Variants in ADRA1A observed in about 807,000 individuals in gnomAD.
ADRA1A encodes alpha-1A adrenergic receptor.
ADRA1A carries 31 observed loss-of-function variants against 29.6 expected under a neutral mutation model. The observed-to-expected ratio is 1.05, with a 90% confidence interval of 0.79 to 1.41. ADRA1A has a LOEUF of 1.41. Among genes scored for constraint, ADRA1A ranks in the 40% most tolerant of loss-of-function variants. The probability of loss-of-function intolerance (pLI) is 0.00; values close to 1 mark genes in which losing one functional copy is unlikely to be tolerated. For synonymous variants in ADRA1A, 311 were observed against 254.3 expected, an observed-to-expected ratio of 1.22 and a Z score of -2.12; for missense variants, 619 against 601.1, an observed-to-expected ratio of 1.03 and a Z score of -0.31.
intron 2 of ADRA1A, among the ~76,000 whole-genome samples, chr8:26,855,386 C>A (rs1372249574): frequency 6.7e-6 from 1 of 149,166 alleles, no homozygotes. Context: ...AATTATTTAT[C>A]TTCAATGTAT....
chr8:26,851,544 G>T lies in ADRA1A; in HGVS notation c.883+12543C>A, dbSNP rs549976205. 4.1e-4 allele frequency among the ~76,000 whole-genome samples: 62 copies of T among 152,238 alleles called. No homozygotes were observed. In the South Asian group the frequency reaches 0.013, roughly 32 times the overall value. ...GACAAATACCCATATTAGAAACATG[G>T]ATTATGAGAAATCCATTTGATGTGA... On this transcript the variant is annotated intron_variant, in intron 2 of 2. Coordinates refer to ENST00000380573, the MANE Select transcript of ADRA1A (RefSeq NM_000680.4).
chr8:26,772,105 T>C (rs1806204747), intron 2 of ADRA1A: 1 of 151,968 alleles, frequency 6.6e-6, no homozygotes, highest in South Asian at 2.0e-4. Flanking sequence ...TGGAGTCTGA[T>C]GATAATATGG....
chr8:26,784,286 G>C (rs1414782000), intron 2 of ADRA1A, among the ~76,000 whole-genome samples: 1 of 152,220 alleles, frequency 6.6e-6, no homozygotes. Context: ...CCTCACACCA[G>C]CCATGTTTCT....
At chr8:26,795,803 G>C (rs1808153150) in intron 2 of ADRA1A, among the ~76,000 whole-genome samples, 1 of 152,112 alleles carries the variant, frequency 6.6e-6, no homozygotes, top group African/African-American at 2.4e-5. Context: ...CCACTGTGAT[G>C]AAGTCAGCAA....
At chr8:26,816,799 T>A (rs925287402) in intron 2 of ADRA1A, among the ~76,000 whole-genome samples, 1 of 152,170 alleles carries the variant, frequency 6.6e-6, no homozygotes, top group African/African-American at 2.4e-5. Context: ...GAAGACCCTA[T>A]GAAAGCCCCT....
At chr8:26,820,295 T>C (rs560813617) in intron 2 of ADRA1A, among the ~76,000 whole-genome samples, 300 of 152,322 alleles carry the variant, frequency 2.0e-3, no homozygotes, top group African/African-American at 6.9e-3. Context: ...TATATGTTTT[T>C]CTCAATTGTA....
At chr8:26,757,732 C>T (rs766409082) in intron 2 of ADRA1A, among the ~76,000 whole-genome samples, 8 of 152,120 alleles carry the variant, frequency 5.3e-5, no homozygotes, top group Non-Finnish European at 8.8e-5. Flanking sequence ...TAGTTGCCCA[C>T]GCCAAGAGGT....
intron 2 of ADRA1A, among the ~76,000 whole-genome samples, chr8:26,795,275 T>G (rs868389501): frequency 1.4e-4 from 21 of 145,814 alleles, no homozygotes; most frequent in Non-Finnish European, 2.2e-4. Context: ...TGGCCAATGA[T>G]GAGACAATGT....
In ADRA1A at chr8:26,769,294, C is replaced by G; in HGVS notation, c.*855G>C. 2.0e-6 allele frequency: 2 copies of G among 985,390 alleles called. No homozygotes were observed. Among genetic ancestry groups the G allele is most frequent in the Non-Finnish European group, 2.4e-6 (2 of 829,906 alleles). The allele number at this position is 985,390 out of a possible 1,614,324, so 61.0% of individuals were successfully genotyped here. A position where few individuals can be genotyped will look rare whatever the true frequency, so the allele number is the denominator to read the frequency against. ...TCTTTGCAAGAAATTAACAGCCACA[C>G]CAACCTCTTGCTCTTTAAAGATATT... On this transcript the variant is annotated 3_prime_UTR_variant, in exon 3 of 3. Coordinates refer to ENST00000380573, the MANE Select transcript of ADRA1A (RefSeq NM_000680.4).
chr8:26,865,254 C>T lies in ADRA1A; in HGVS notation c.-285G>A. 1.6e-6 allele frequency: 2 copies of T among 1,280,188 alleles called. No individual in the cohort carries two copies. The highest frequency in any genetic ancestry group is 2.0e-6 in the Non-Finnish European group (2 of 1,012,588). The allele number at this position is 1,280,188 out of a possible 1,614,324, so 79.3% of individuals were successfully genotyped here. ...CCTGCCGGGCTGGCCTAGCCCGGGACCCGGACTCCCTCCCTACCCGAAGCT... is the reference window on the plus strand; with the variant it reads ...CCTGCCGGGCTGGCCTAGCCCGGGATCCGGACTCCCTCCCTACCCGAAGCT... On this transcript the variant is annotated 5_prime_UTR_variant, in exon 2 of 3. Transcript: ENST00000380573. The surrounding 1 kb of genome is among the most constrained non-coding windows in gnomAD (Gnocchi z 7.6).
At chr8:26,751,124 G>C (rs1804905875) in intron 2 of ADRA1A, among the ~76,000 whole-genome samples, 1 of 151,780 alleles carries the variant, frequency 6.6e-6, no homozygotes. Context: ...TGTCCTTCTA[G>C]GTACAGTTTC....
intron 2 of ADRA1A, among the ~76,000 whole-genome samples, chr8:26,812,561 T>A (rs1461947957): frequency 6.6e-6 from 1 of 151,966 alleles, no homozygotes; most frequent in Non-Finnish European, 1.5e-5. Flanking sequence ...TACCAGAAAA[T>A]CATAAATGAG....
At chr8:26,752,796 T>A (rs573798625), downstream of ADRA1A, among the ~76,000 whole-genome samples, 82 of 152,312 alleles carry the variant, frequency 5.4e-4, no homozygotes, top group African/African-American at 1.9e-3. Context: ...CCTAGCAAGA[T>A]CACTGAGAAA....
chr8:26,822,130 A>G (rs1810217087), intron 2 of ADRA1A, among the ~76,000 whole-genome samples: 1 of 152,198 alleles, frequency 6.6e-6, no homozygotes, highest in African/African-American at 2.4e-5. Flanking sequence ...ACTGGGTTGA[A>G]TGGTAATTGC....
chr8:26,827,074 G>A (rs1810628919), intron 2 of ADRA1A, among the ~76,000 whole-genome samples: 1 of 152,184 alleles, frequency 6.6e-6, no homozygotes, highest in South Asian at 2.1e-4. Context: ...TCATGGTACT[G>A]CGTGAAGAAG....
At chr8:26,839,223 A>G (rs1478714224) in intron 2 of ADRA1A, among the ~76,000 whole-genome samples, 2 of 148,140 alleles carry the variant, frequency 1.4e-5, no homozygotes, top group Non-Finnish European at 3.0e-5. Flanking sequence ...CAGTGGTGCA[A>G]TCTTGGCTCA....
rs758905419 is a variant in ADRA1A, at chr8:26,864,743, G to A, written c.227C>T (p.Thr76Ile). Residue 76 changes from threonine to isoleucine, a missense_variant, in exon 2 of 3, where the codon ACC (threonine) becomes ATC (isoleucine). By Grantham distance (89) the Thr-to-Ile change is moderately conservative. Transcript: ENST00000380573. The surrounding 1 kb of genome is among the most constrained non-coding windows in gnomAD (Gnocchi z 8.1). ...GGCGGAGAAGGGCAGCACCGTGGAGGTGAGCAGGAGGTCGGCCACCGCCAG... is the reference window on the plus strand; with the variant it reads ...GGCGGAGAAGGGCAGCACCGTGGAGATGAGCAGGAGGTCGGCCACCGCCAG... ...VNLAVADLLL[T>I]STVLPFSAIF... 22 of 1,614,050 alleles carry A rather than the reference G, an allele frequency of 1.4e-5. No homozygotes were observed. In the East Asian group the frequency reaches 4.5e-4, roughly 33 times the overall value.
At chr8:26,802,807 G>T (rs1054891967) in intron 2 of ADRA1A, among the ~76,000 whole-genome samples, 5 of 152,174 alleles carry the variant, frequency 3.3e-5, no homozygotes, top group African/African-American at 1.2e-4. Flanking sequence ...CAATAGCCAA[G>T]ATTTGAAAGC....
chr8:26,774,702 C>T (rs1196790620), intron 2 of ADRA1A, among the ~76,000 whole-genome samples: 1 of 151,760 alleles, frequency 6.6e-6, no homozygotes, highest in African/African-American at 2.4e-5. Flanking sequence ...AAGAACTGCT[C>T]CTCTCCTTAT....
Sources: allele counts gnomAD v4.1 joint callset (sites outside exome capture counted in the v4.1 genomes callset), GRCh38; gene constraint gnomAD v4.1.1; non-coding constraint Gnocchi (gnomAD v3.1); transcripts MANE v1.5; gene names NCBI Gene and HGNC (gene_info 2026-07-23, HGNC 2026-07-21).